EPB41: variants seen among roughly 807,000 people sequenced by gnomAD.
EPB41 encodes the protein protein 4.1.
A neutral mutation model predicts 108.0 loss-of-function variants in EPB41; 65 were observed. That is an observed-to-expected ratio of 0.60 (90% CI 0.49 to 0.74). The LOEUF is 0.74. EPB41 is among the 30% of genes least tolerant of loss of function. EPB41 has a pLI of 0.00. For missense variants in EPB41, 875 were observed against 1,037.0 expected, an observed-to-expected ratio of 0.84 and a Z score of 2.15; for synonymous variants, 336 against 358.9, an observed-to-expected ratio of 0.94 and a Z score of 0.72.
At chr1:29,005,102 G>T (rs947781164) in intron 4 of EPB41, among the ~76,000 whole-genome samples, 4 of 152,114 alleles carry the variant, frequency 2.6e-5, no homozygotes, top group Non-Finnish European at 4.4e-5. Context: ...AAGAAAGGAG[G>T]TTTAATTGGC....
At chr1:28,923,735 G>A (rs1346336785) in intron 1 of EPB41, among the ~76,000 whole-genome samples, 1 of 152,138 alleles carries the variant, frequency 6.6e-6, no homozygotes, top group African/African-American at 2.4e-5. Flanking sequence ...GAAAAGACTA[G>A]CATTGGGATG....
intron 1 of EPB41, among the ~76,000 whole-genome samples, chr1:28,947,514 T>C (rs1165333994): frequency 1.3e-5 from 2 of 151,914 alleles, no homozygotes; most frequent in Non-Finnish European, 1.5e-5. Flanking sequence ...GGAAGTCTAG[T>C]GTTTGGATGC....
intron 17 of EPB41, among the ~76,000 whole-genome samples, chr1:29,101,083 G>A (rs965264673): frequency 1.3e-5 from 2 of 152,046 alleles, no homozygotes; most frequent in African/African-American, 4.8e-5. Flanking sequence ...AATTAGCCGG[G>A]CACGGTGGTG....
intron 17 of EPB41, among the ~76,000 whole-genome samples, chr1:29,105,743 C>CTTTTT (rs63685960): frequency 2.5e-4 from 23 of 91,090 alleles, no homozygotes; most frequent in East Asian, 3.3e-4. Flanking sequence ...ATGTACAGAT[C>CTTTTT]TTTTTTTTTT....
chr1:29,038,911 A>G (rs1354851989), intron 10 of EPB41, among the ~76,000 whole-genome samples: 1 of 152,182 alleles, frequency 6.6e-6, no homozygotes, highest in Non-Finnish European at 1.5e-5. Flanking sequence ...CAGCTGTGTG[A>G]CCTTAAGTAA....
intron 17 of EPB41, among the ~76,000 whole-genome samples, chr1:29,106,717 G>A (rs902993521): frequency 4.6e-5 from 7 of 150,920 alleles, no homozygotes; most frequent in African/African-American, 1.5e-4. Flanking sequence ...GGGACGACAG[G>A]CGTTTGCCAC....
At chr1:28,888,342 C>T (rs1220923776) in intron 1 of EPB41, among the ~76,000 whole-genome samples, 3 of 152,216 alleles carry the variant, frequency 2.0e-5, no homozygotes, top group South Asian at 4.1e-4. Flanking sequence ...GGCCAGAGCC[C>T]TGGCACGCGC....
At chr1:29,112,256 C>A in intron 18 of EPB41, 112 bp from the exon 19 acceptor site, 1 of 862,348 alleles carries the variant, frequency 1.2e-6, no homozygotes, top group Non-Finnish European at 1.9e-6. Flanking sequence ...CTATCTCAGC[C>A]TCCCAAAGTG....
At chr1:28,963,825 G>GACTTTTAGCACATTTA (rs1553195534) in intron 1 of EPB41, among the ~76,000 whole-genome samples, 1 of 152,182 alleles carries the variant, frequency 6.6e-6, no homozygotes, top group African/African-American at 2.4e-5. Flanking sequence ...GACTCAGAAT[G>GACTTTTAGCACATTTA]ACTTTTAGCA....
chr1:28,896,232 T>C (rs913224352), intron 1 of EPB41, among the ~76,000 whole-genome samples: 1 of 152,196 alleles, frequency 6.6e-6, no homozygotes, highest in South Asian at 2.1e-4. Flanking sequence ...GCAATGGTTA[T>C]TGTTATTATT....
intron 17 of EPB41, 84 bp from the exon 18 acceptor site, chr1:29,109,252 G>C: frequency 1.0e-6 from 1 of 998,210 alleles, no homozygotes; most frequent in Non-Finnish European, 1.6e-6. Flanking sequence ...ATCAGAATGT[G>C]CAGCTGAAGA....
chr1:28,943,869 C>T (rs1022163643), intron 1 of EPB41, among the ~76,000 whole-genome samples: 1 of 151,896 alleles, frequency 6.6e-6, no homozygotes, highest in Non-Finnish European at 1.5e-5. Flanking sequence ...GGATATATAC[C>T]CAATAGAAAG....
At chr1:28,956,205 G>A (rs914446722) in intron 1 of EPB41, among the ~76,000 whole-genome samples, 3 of 152,194 alleles carry the variant, frequency 2.0e-5, no homozygotes, top group Non-Finnish European at 2.9e-5. Context: ...GAACACACAT[G>A]GCTGTGTGTG....
chr1:29,041,183 A>G (rs1166488866), intron 11 of EPB41: 1 of 149,856 alleles, frequency 6.7e-6, no homozygotes, highest in Non-Finnish European at 1.5e-5. Context: ...AAATAAATAA[A>G]TAAATGTTCA....
Position 29,030,504 on chromosome 1 carries a change from C to T in EPB41, c.1212+17C>T, listed in dbSNP as rs1292015307. 4 of 1,581,720 alleles carry T rather than the reference C, an allele frequency of 2.5e-6. No individual in the cohort carries two copies. In the Admixed American group the frequency reaches 5.0e-5, roughly 20 times the overall value. ...AAAGCAAAGGTAATGATAACTTTGC[C>T]CTTTATTAATATGCATGTGGAAGAT... is the stretch of plus-strand genomic sequence containing the variant. On this transcript the variant is annotated intron_variant, in intron 8 of 20. Transcript: ENST00000343067.
chr1:29,076,546 T>G (rs1654145687), intron 16 of EPB41, among the ~76,000 whole-genome samples: 1 of 152,238 alleles, frequency 6.6e-6, no homozygotes, highest in Admixed American at 6.5e-5. Context: ...TGTGACAGTC[T>G]GAGTAACCTT....
In EPB41 at chr1:29,087,739, A is replaced by T. The variant is rs535040660; in HGVS notation, c.2185-10068A>T. Among the ~76,000 whole-genome samples the T allele has an allele frequency of 2.1e-4, 32 of 152,344 alleles. No individual in the cohort carries two copies. The South Asian group carries it at 6.2e-3, about 30-fold the overall frequency. ...TATAACTCATAAAGGCATATATATA[A>T]TCAGGGTCTGATGATTCTGAGACAT... is the stretch of plus-strand genomic sequence containing the variant. On this transcript the variant is annotated intron_variant, in intron 16 of 20. Transcript: ENST00000343067.
intron 1 of EPB41, among the ~76,000 whole-genome samples, chr1:28,962,050 A>G (rs975702100): frequency 6.6e-6 from 1 of 151,834 alleles, no homozygotes. Context: ...GGGTGGTGCA[A>G]AAGTAATTGC....
At chr1:28,978,984 G>C (rs2095670230) in intron 1 of EPB41, among the ~76,000 whole-genome samples, 1 of 151,372 alleles carries the variant, frequency 6.6e-6, no homozygotes, top group African/African-American at 2.5e-5. Context: ...AATCATGTGA[G>C]CCAATTCCCC....
Sources: allele counts gnomAD v4.1 joint callset (sites outside exome capture counted in the v4.1 genomes callset), GRCh38; gene constraint gnomAD v4.1.1; transcripts MANE v1.5; gene names NCBI Gene and HGNC (gene_info 2026-07-23, HGNC 2026-07-21).